Variants in NRIP1 observed in about 807,000 individuals in gnomAD.
NRIP1 encodes the protein nuclear receptor interacting protein 1.
A neutral mutation model predicts 75.0 loss-of-function variants in NRIP1; 28 were observed. The ratio of observed to expected loss-of-function variants is 0.37; its 90% CI spans 0.28 to 0.51. The LOEUF (loss-of-function observed/expected upper bound fraction) is 0.51, where lower values mean the gene tolerates loss of function less well. Ranked by LOEUF, NRIP1 falls within the 20% of genes least tolerant of loss-of-function variation. The pLI is 0.92. For synonymous variants in NRIP1, 526 were observed against 487.6 expected, an observed-to-expected ratio of 1.08 and a Z score of -1.04; for missense variants, 1,435 against 1,343.7, an observed-to-expected ratio of 1.07 and a Z score of -1.06.
chr21:15,020,796 G>A (rs2088354963), intron 2 of NRIP1, among the ~76,000 whole-genome samples: 1 of 151,816 alleles, frequency 6.6e-6, no homozygotes, highest in South Asian at 2.1e-4. Context: ...ATAAAAAGAT[G>A]CTCATTGTCA....
intron 3 of NRIP1, among the ~76,000 whole-genome samples, chr21:14,986,198 A>T (rs532332179): frequency 1.9e-4 from 29 of 152,240 alleles, no homozygotes; most frequent in Admixed American, 1.8e-3. Flanking sequence ...TTTGTTGAAG[A>T]GCTTCAAGTA....
intron 2 of NRIP1, among the ~76,000 whole-genome samples, chr21:15,024,634 T>C (rs1003557530): frequency 6.6e-6 from 1 of 150,946 alleles, no homozygotes; most frequent in Non-Finnish European, 1.5e-5. Context: ...TAATTAAAAA[T>C]GGGCAAAATA....
chr21:15,060,359 C>T (rs1462018244), intron 1 of NRIP1, among the ~76,000 whole-genome samples: 1 of 152,108 alleles, frequency 6.6e-6, no homozygotes, highest in Non-Finnish European at 1.5e-5. Flanking sequence ...CCTGATAAGA[C>T]TTCAGGAGTT....
At chr21:15,058,210 G>A (rs1334757208) in intron 1 of NRIP1, among the ~76,000 whole-genome samples, 1 of 152,078 alleles carries the variant, frequency 6.6e-6, no homozygotes, top group Non-Finnish European at 1.5e-5. Context: ...AAATAAACGT[G>A]GAATAACAGG....
In NRIP1 at chr21:14,967,233, T is replaced by G; in HGVS notation, c.960A>C (p.Gly320=). Residue 320 remains glycine (G), a synonymous_variant, in exon 4 of 4, where the codon GGA becomes GGC. Coordinates refer to ENST00000318948, the MANE Select transcript of NRIP1 (RefSeq NM_003489.4). ...KDVGSYQLPK[G]MSSHLNGQAR... Reference sequence around the variant, plus strand: ...CCTGACCATTAAGATGGCTTGACATTCCTTTTGGGAGCTGGTAACTGCCAA... The same window carrying G: ...CCTGACCATTAAGATGGCTTGACATGCCTTTTGGGAGCTGGTAACTGCCAA... The G allele has an allele frequency of 6.2e-7, 1 of 1,614,020 alleles. No individual in the cohort carries two copies. Among genetic ancestry groups the G allele is most frequent in the Non-Finnish European group, 8.5e-7 (1 of 1,179,986 alleles).
Position 14,966,246 on chromosome 21 carries a change from T to A in NRIP1, c.1947A>T (p.Arg649Ser). Residue 649 changes from arginine to serine, a missense_variant, in exon 4 of 4, where the codon AGA becomes AGT. Physicochemically the swap from Arg to Ser is moderately radical, Grantham distance 110. Coordinates refer to ENST00000318948, the MANE Select transcript of NRIP1 (RefSeq NM_003489.4). ...TTCCAGTTAACAGCTGTTTGCTGGG[T>A]CTCTGCTCTTCCACTGACATGGATG... Reference protein sequence around the residue: ...MQSSMSVEEQRPSKQLLTGNT... With the variant: ...MQSSMSVEEQSPSKQLLTGNT... The A allele has an allele frequency of 6.2e-7, 1 of 1,614,070 alleles. No individual in the cohort carries two copies. Among genetic ancestry groups the A allele is most frequent in the Middle Eastern group, 1.7e-4 (1 of 6,058 alleles).
At chr21:15,031,171 G>A (rs71315800) in intron 2 of NRIP1, among the ~76,000 whole-genome samples, 2 of 141,610 alleles carry the variant, frequency 1.4e-5, no homozygotes, top group Admixed American at 7.0e-5. Context: ...CTTTCTATGT[G>A]TGTACACTCT....
Position 14,964,332 on chromosome 21 carries a change from TATG to T in NRIP1, c.*381_*383del, listed in dbSNP as rs2086664398. ...AACAGTTTAGACTTTAAAAATGTGT[TATG>T]TAGGCTGACTTCTGAAAAGCAAAAT... On this transcript the variant is annotated 3_prime_UTR_variant, in exon 4 of 4. Transcript: ENST00000318948. 6.3e-6 allele frequency: 1 copy of T among 158,310 alleles called. No homozygotes were observed. Among genetic ancestry groups the T allele is most frequent in the African/African-American group, 2.4e-5 (1 of 41,632 alleles). 9.8% of individuals were successfully genotyped at this position (158,310 alleles called of 1,614,324 possible). A position where few individuals can be genotyped will look rare whatever the true frequency, so the allele number is the denominator to read the frequency against.
At chr21:15,002,315 G>C (rs1458317985) in intron 3 of NRIP1, 1 of 152,080 alleles carries the variant, frequency 6.6e-6, no homozygotes, top group Non-Finnish European at 1.5e-5. Context: ...TAATGCCCAG[G>C]TCCCGACCAA....
At chr21:14,972,241 C>T (rs925518267) in intron 3 of NRIP1, among the ~76,000 whole-genome samples, 6 of 152,150 alleles carry the variant, frequency 3.9e-5, no homozygotes, top group African/African-American at 1.4e-4. Context: ...TTTTCTATCT[C>T]TTAAACTAGA....
At chr21:14,988,507 G>A (rs900763288) in intron 3 of NRIP1, among the ~76,000 whole-genome samples, 1 of 142,824 alleles carries the variant, frequency 7.0e-6, no homozygotes, top group South Asian at 2.2e-4. Context: ...ATATGTGTGT[G>A]TGTGTGTGTG....
chr21:14,978,798 C>A (rs924317231), intron 3 of NRIP1, among the ~76,000 whole-genome samples: 1 of 151,942 alleles, frequency 6.6e-6, no homozygotes, highest in African/African-American at 2.4e-5. Context: ...AATTTTTAAA[C>A]AAAATTAAGA....
Position 14,966,218 on chromosome 21 carries a change from T to C in NRIP1, c.1975A>G (p.Thr659Ala), listed in dbSNP as rs2086734614. ...TCAATCATACCTATCGGTTTATCTG[T>C]GTTTCCAGTTAACAGCTGTTTGCTG... is the stretch of plus-strand genomic sequence containing the variant. ...RPSKQLLTGN[T>A]DKPIGMIDRL... Residue 659 changes from threonine to alanine, a missense_variant, in exon 4 of 4, where the codon ACA becomes GCA. By Grantham distance (58) the Thr-to-Ala change is moderately conservative (BLOSUM62 0). Coordinates refer to ENST00000318948, the MANE Select transcript of NRIP1 (RefSeq NM_003489.4). 3 of 1,614,004 alleles carry C rather than the reference T, an allele frequency of 1.9e-6. No homozygotes were observed. The highest frequency in any genetic ancestry group is 2.5e-6 in the Non-Finnish European group (3 of 1,179,946).
At chr21:14,993,812 C>A (rs533904390) in intron 3 of NRIP1, among the ~76,000 whole-genome samples, 2 of 152,012 alleles carry the variant, frequency 1.3e-5, no homozygotes, top group South Asian at 4.2e-4. Flanking sequence ...GTATATACAA[C>A]GTCCAATCCA....
At chr21:15,008,214 T>C (rs138418406) in intron 3 of NRIP1, among the ~76,000 whole-genome samples, 26 of 152,178 alleles carry the variant, frequency 1.7e-4, no homozygotes, top group Non-Finnish European at 3.2e-4. Flanking sequence ...GAGAGCAGAC[T>C]GTACTCTCAG....
At chr21:15,025,166 G>A (rs139042016) in intron 2 of NRIP1, among the ~76,000 whole-genome samples, 511 of 152,208 alleles carry the variant, frequency 3.4e-3, no homozygotes, top group Non-Finnish European at 4.8e-3. Context: ...GGGGCTTTGA[G>A]GCTCAAGTAA....
rs766456026 is a variant in NRIP1 at position 14,963,679 on chromosome 21, C to T, written c.*1037G>A. The T allele has an allele frequency of 6.6e-6, 1 of 152,064 alleles. No individual in the cohort carries two copies. The highest frequency in any genetic ancestry group is 1.5e-5 in the Non-Finnish European group (1 of 67,992). The allele number at this position is 152,064 out of a possible 1,614,324, so 9.4% of individuals were successfully genotyped here. A position where few individuals can be genotyped will look rare whatever the true frequency, so the allele number is the denominator to read the frequency against. ...AAGATGCAGATGGAAGATTCCAGGT[C>T]CACTTAGCAGAGATTCTTGTTCTGT... On this transcript the variant is annotated 3_prime_UTR_variant, in exon 4 of 4. Coordinates refer to ENST00000318948, the MANE Select transcript of NRIP1 (RefSeq NM_003489.4).
intron 3 of NRIP1, among the ~76,000 whole-genome samples, chr21:14,972,267 A>G (rs533633619): frequency 6.6e-6 from 1 of 152,182 alleles, no homozygotes; most frequent in Non-Finnish European, 1.5e-5. Context: ...AGAAATCACT[A>G]ACAATCCTTC....
chr21:15,063,779 C>T (rs1357944553), intron 1 of NRIP1, among the ~76,000 whole-genome samples: 1 of 152,144 alleles, frequency 6.6e-6, no homozygotes, highest in African/African-American at 2.4e-5. Context: ...TAAAATGTGC[C>T]ATTAAAAAAT....
Sources: gnomAD v4.1 joint callset for allele counts (sites outside exome capture counted in the v4.1 genomes callset) on GRCh38, gnomAD v4.1.1 for gene constraint, MANE v1.5 for transcripts, NCBI Gene and HGNC (gene_info 2026-07-23, HGNC 2026-07-21) for gene names.